Variants in RDH11 observed in about 807,000 individuals in gnomAD.
RDH11 encodes retinol dehydrogenase 11.
RDH11 carries 19 observed loss-of-function variants against 33.4 expected under a neutral mutation model. The ratio of observed to expected loss-of-function variants is 0.57; its 90% CI spans 0.40 to 0.83. The LOEUF (loss-of-function observed/expected upper bound fraction) is 0.83, where lower values mean the gene tolerates loss of function less well. RDH11 is among the 40% of genes least tolerant of loss of function. The pLI is 0.00. For missense variants in RDH11, 353 were observed against 389.0 expected, an observed-to-expected ratio of 0.91 and a Z score of 0.78; for synonymous variants, 154 against 155.3, an observed-to-expected ratio of 0.99 and a Z score of 0.06.
Position 67,693,399 on chromosome 14 carries a change from A to T in RDH11, c.75-347T>A, listed in dbSNP as rs75218741. Among the ~76,000 whole-genome samples the T allele has an allele frequency of 3.8e-4, 58 of 152,252 alleles. 1 individual carries two copies. In the East Asian group the frequency reaches 0.011, roughly 29 times the overall value. ...CAAGATTCAGCCCAGAAGAAGAAAT[A>T]ACTAGTTTCTGTAGGTCAATCTGTC... On this transcript the variant is annotated intron_variant, in intron 1 of 6. Coordinates refer to ENST00000381346, the MANE Select transcript of RDH11 (RefSeq NM_016026.4).
chr14:67,695,106 C>A (rs1194039454), intron 1 of RDH11, among the ~76,000 whole-genome samples: 1 of 152,220 alleles, frequency 6.6e-6, no homozygotes, highest in Non-Finnish European at 1.5e-5. Flanking sequence ...AAACACTCTT[C>A]CTTTTCACTT....
intron 6 of RDH11, among the ~76,000 whole-genome samples, chr14:67,682,952 T>C (rs893154678): frequency 6.6e-6 from 1 of 152,210 alleles, no homozygotes; most frequent in African/African-American, 2.4e-5. Context: ...CTTGATAACA[T>C]TAAGCTGAGT....
In RDH11 at chr14:67,692,270, T is replaced by C. The variant is rs201644379; in HGVS notation, c.349+168A>G. ...ATTTTTTGTTTCTGCCTCTGGAAGA[T>C]ATCCCTTTGACATAAATTGTGTCCC... On this transcript the variant is annotated intron_variant, in intron 3 of 6. Coordinates refer to ENST00000381346, the MANE Select transcript of RDH11 (RefSeq NM_016026.4). 4.6e-5 allele frequency: 32 copies of C among 688,254 alleles called. 1 individual carries two copies. In the East Asian group the frequency reaches 8.4e-4, roughly 18 times the overall value. The allele number at this position is 688,254 out of a possible 1,614,324, so 42.6% of individuals were successfully genotyped here.
rs756616803 is a variant in RDH11, at chr14:67,690,459, A to G, written c.455-38T>C. ...ACTAGAATTAATGAAGTTCAGGGCC[A>G]TGTAGGAATGACAGGAGTCGTGGTG... is the stretch of plus-strand genomic sequence containing the variant. On this transcript the variant is annotated intron_variant, in intron 4 of 6. Coordinates refer to ENST00000381346, the MANE Select transcript of RDH11 (RefSeq NM_016026.4). 1.9e-5 allele frequency: 30 copies of G among 1,576,244 alleles called. No homozygotes were observed. In the South Asian group the frequency reaches 3.0e-4, roughly 16 times the overall value.
intron 6 of RDH11, among the ~76,000 whole-genome samples, chr14:67,680,551 C>T (rs2037602317): frequency 6.6e-6 from 1 of 152,170 alleles, no homozygotes; most frequent in African/African-American, 2.4e-5. Context: ...ACAACCTCCC[C>T]AGGCTCAGGT....
At position 67,688,773 on chromosome 14, in the gene RDH11, T is replaced by G. The variant is rs544401533; in HGVS notation, c.664+1439A>C. ...TTTACAATGAGAATTATTCATGCAT[T>G]ACTAGACTGATTTTACATTTAATAG... is the stretch of plus-strand genomic sequence containing the variant. On this transcript the variant is annotated intron_variant, in intron 5 of 6. Transcript: ENST00000381346. Among the ~76,000 whole-genome samples, 189 of 152,224 alleles carry G rather than the reference T, an allele frequency of 1.2e-3. 2 individuals are homozygous for G. Among genetic ancestry groups the G allele is most frequent in the African/African-American group, 4.5e-3 (187 of 41,534 alleles).
intron 6 of RDH11, among the ~76,000 whole-genome samples, chr14:67,683,283 A>AT (rs961791529): frequency 0.017 from 2,578 of 148,730 alleles, 34 homozygotes; most frequent in African/African-American, 0.021. Context: ...ATAAAGGGTT[A>AT]TTTTTTTTTT....
chr14:67,685,081 C>G lies in RDH11; in HGVS notation c.788G>C (p.Gly263Ala). 1 of 1,614,074 alleles carries G rather than the reference C, an allele frequency of 6.2e-7. No individual in the cohort carries two copies. The part of the protein sequence containing the change: ...FSFFIKTPQQ[G>A]AQTSLHCALT... ...GGCACAGTGCAGGCTGGTCTGGGCTCCCTGCTGAGGAGTCTTGATGAAAAA... is the reference window on the plus strand; with the variant it reads ...GGCACAGTGCAGGCTGGTCTGGGCTGCCTGCTGAGGAGTCTTGATGAAAAA... Residue 263 changes from glycine to alanine, a missense_variant, in exon 6 of 7, where the codon GGA becomes GCA. By Grantham distance (60) the Gly-to-Ala change is moderately conservative (BLOSUM62 0). Transcript: ENST00000381346.
In RDH11 at chr14:67,679,244, T is replaced by C. The variant is rs566896649; in HGVS notation, c.855-821A>G. Among the ~76,000 whole-genome samples, 59 of 152,270 alleles carry C rather than the reference T, an allele frequency of 3.9e-4. No individual in the cohort carries two copies. The South Asian group carries it at 5.4e-3, about 14-fold the overall frequency. On this transcript the variant is annotated intron_variant, in intron 6 of 6. Coordinates refer to ENST00000381346, the MANE Select transcript of RDH11 (RefSeq NM_016026.4). ...AGAGATAATGGCATTAAACCATTCA[T>C]GAGGGCTGCCCTTGTGACCTAATTT...
At chr14:67,686,847 C>T (rs886213790) in intron 5 of RDH11, among the ~76,000 whole-genome samples, 4 of 152,082 alleles carry the variant, frequency 2.6e-5, no homozygotes, top group Non-Finnish European at 5.9e-5. Context: ...TGTTTTGCTG[C>T]CAAATGAGTT....
At chr14:67,694,295 C>G (rs191706180) in intron 1 of RDH11, among the ~76,000 whole-genome samples, 33 of 152,138 alleles carry the variant, frequency 2.2e-4, no homozygotes, top group African/African-American at 8.0e-4. Context: ...GTATGTAGCT[C>G]CAGGAGTGAC....
chr14:67,678,315 TGCCTGTTA>T lies in RDH11; in HGVS notation c.955_*5del. The stretch of plus-strand genomic sequence containing the variant: ...GTCTTCTCTTGGGTCCAACTGGCAC[TGCCTGTTA>T]GTCTATTGGGAGGCCCAGCAGGTCA... On this transcript the variant is annotated stop_lost and 3_prime_UTR_variant, in exon 7 of 7. Transcript: ENST00000381346. The T allele has an allele frequency of 6.3e-7, 1 of 1,585,658 alleles. No homozygotes were observed. Among genetic ancestry groups the T allele is most frequent in the Non-Finnish European group, 8.7e-7 (1 of 1,154,052 alleles).
chr14:67,683,213 T>G (rs1044369058), intron 6 of RDH11, among the ~76,000 whole-genome samples: 1 of 152,094 alleles, frequency 6.6e-6, no homozygotes, highest in Non-Finnish European at 1.5e-5. Context: ...CAAAAGTCAA[T>G]CCAATAGTAA....
At position 67,685,220 on chromosome 14, in the gene RDH11, A is replaced by C. The variant is rs762131460; in HGVS notation, c.665-16T>G. ...ACGCCAGAGCCTGGTTGGGGGTGGC[A>C]TGAAGAGAGGGTAAGACAGGACTTG... On this transcript the variant is annotated splice_polypyrimidine_tract_variant and intron_variant, in intron 5 of 6. Coordinates refer to ENST00000381346, the MANE Select transcript of RDH11 (RefSeq NM_016026.4). 1 of 1,605,818 alleles carries C rather than the reference A, an allele frequency of 6.2e-7. No homozygotes were observed. The highest frequency in any genetic ancestry group is 8.5e-7 in the Non-Finnish European group (1 of 1,175,212).
Position 67,685,212 on chromosome 14 carries a change from G to A in RDH11, c.665-8C>T, listed in dbSNP as rs770508582. ...ACGTCGTAACGCCAGAGCCTGGTTG[G>A]GGGTGGCATGAAGAGAGGGTAAGAC... On this transcript the variant is annotated splice_region_variant and splice_polypyrimidine_tract_variant and intron_variant, in intron 5 of 6. Transcript: ENST00000381346. 5.0e-6 allele frequency: 8 copies of A among 1,607,772 alleles called. No homozygotes were observed. The highest frequency in any genetic ancestry group is 6.8e-6 in the Non-Finnish European group (8 of 1,176,592).
At position 67,692,528 on chromosome 14, in the gene RDH11, T is replaced by C. The variant is rs1465785020; in HGVS notation, c.259A>G (p.Thr87Ala). 6.2e-7 allele frequency: 1 copy of C among 1,612,830 alleles called. No individual in the cohort carries two copies. Residue 87 changes from threonine (T) to alanine (A), a missense_variant, in exon 3 of 7, where the codon ACC (threonine) becomes GCC (alanine). Transcript: ENST00000381346. ...AACACCTGCTGGTTCCCTGTCGTGG[T>C]CTGGATCTCTTTGGCCACCAATTCC... ...KGELVAKEIQTTTGNQQVLVR... is the reference protein window; with the variant it reads ...KGELVAKEIQATTGNQQVLVR...
At chr14:67,685,386 G>C (rs1273665861) in intron 5 of RDH11, among the ~76,000 whole-genome samples, 182 bp from the exon 6 acceptor site, 2 of 152,160 alleles carry the variant, frequency 1.3e-5, no homozygotes, top group Non-Finnish European at 2.9e-5. Flanking sequence ...GAAGGCTCTA[G>C]AGTAGACAGT....
chr14:67,687,706 G>A (rs1253033370), intron 5 of RDH11, among the ~76,000 whole-genome samples: 2 of 151,580 alleles, frequency 1.3e-5, no homozygotes, highest in African/African-American at 4.8e-5. Flanking sequence ...CCTGACCTCA[G>A]GTGATCTACC....
At chr14:67,680,837 T>G (rs1408853841) in intron 6 of RDH11, among the ~76,000 whole-genome samples, 1 of 152,192 alleles carries the variant, frequency 6.6e-6, no homozygotes, top group Non-Finnish European at 1.5e-5. Context: ...TTGCTAAGAA[T>G]TAGTATAGGT....
Sources: allele counts gnomAD v4.1 joint callset (sites outside exome capture counted in the v4.1 genomes callset), GRCh38; gene constraint gnomAD v4.1.1; transcripts MANE v1.5; gene names NCBI Gene and HGNC (gene_info 2026-07-23, HGNC 2026-07-21).